The following LSAMP variants were observed in gnomAD, a reference collection of about 807,000 sequenced individuals.
LSAMP encodes limbic system-associated membrane protein.
LSAMP carries 7 observed loss-of-function variants against 38.6 expected under a neutral mutation model. That is an observed-to-expected ratio of 0.18 (90% CI 0.10 to 0.34). The LOEUF (loss-of-function observed/expected upper bound fraction) is 0.34, where lower values mean the gene tolerates loss of function less well. LSAMP is among the 10% of genes least tolerant of loss of function. The pLI is 1.00. For synonymous variants in LSAMP, 154 were observed against 166.8 expected, an observed-to-expected ratio of 0.92 and a Z score of 0.59; for missense variants, 313 against 420.0, an observed-to-expected ratio of 0.75 and a Z score of 2.23.
intron 1 of LSAMP, among the ~76,000 whole-genome samples, chr3:116,283,541 T>A (rs1450491329): frequency 6.6e-6 from 1 of 152,210 alleles, no homozygotes; most frequent in Non-Finnish European, 1.5e-5. Context: ...TCTAACCTCA[T>A]CTGGCTACGT....
chr3:115,820,414 G>A (rs1934193238), intron 6 of LSAMP, among the ~76,000 whole-genome samples: 1 of 152,194 alleles, frequency 6.6e-6, no homozygotes, highest in Non-Finnish European at 1.5e-5. Context: ...TATAGAGAAT[G>A]TACTAGGCTT....
At chr3:116,111,018 G>A (rs1489345032) in intron 1 of LSAMP, among the ~76,000 whole-genome samples, 1 of 152,116 alleles carries the variant, frequency 6.6e-6, no homozygotes, top group Non-Finnish European at 1.5e-5. Flanking sequence ...CTCAGTGGGG[G>A]AGCTTCTGAG....
chr3:116,330,078 G>A (rs181971078), intron 1 of LSAMP, among the ~76,000 whole-genome samples: 74 of 152,128 alleles, frequency 4.9e-4, no homozygotes, highest in African/African-American at 8.4e-4. Flanking sequence ...ATTAAAACAC[G>A]TCATACAAGA....
chr3:116,292,907 AC>A (rs1302547456), intron 1 of LSAMP, among the ~76,000 whole-genome samples: 2 of 152,294 alleles, frequency 1.3e-5, no homozygotes, highest in South Asian at 2.1e-4. Flanking sequence ...TATCCCATTA[AC>A]CTTTTTTAGT....
At chr3:116,330,145 G>C (rs2047829376) in intron 1 of LSAMP, among the ~76,000 whole-genome samples, 1 of 152,166 alleles carries the variant, frequency 6.6e-6, no homozygotes, top group East Asian at 1.9e-4. Context: ...TCCTCATTGA[G>C]ACAACAATTG....
At chr3:116,386,876 A>T (rs190514365) in intron 1 of LSAMP, among the ~76,000 whole-genome samples, 2 of 152,328 alleles carry the variant, frequency 1.3e-5, no homozygotes, top group East Asian at 1.9e-4. Context: ...AAGGATGACT[A>T]GAATTTTGAT....
At chr3:116,374,893 TG>T (rs1333262535) in intron 1 of LSAMP, among the ~76,000 whole-genome samples, 5 of 151,842 alleles carry the variant, frequency 3.3e-5, no homozygotes, top group Non-Finnish European at 7.4e-5. Context: ...AATGAGGAAA[TG>T]GTGATAAATA....
intron 2 of LSAMP, among the ~76,000 whole-genome samples, chr3:116,054,281 G>T (rs1250260103): frequency 6.6e-6 from 1 of 152,090 alleles, no homozygotes; most frequent in Non-Finnish European, 1.5e-5. Context: ...ATTACACTGG[G>T]CCAATTTAGA....
At chr3:115,853,951 A>T (rs142572229) in intron 3 of LSAMP, among the ~76,000 whole-genome samples, 1 of 152,280 alleles carries the variant, frequency 6.6e-6, no homozygotes, top group East Asian at 1.9e-4. Flanking sequence ...AACGTAACAG[A>T]CAGTTAGCAA....
intron 1 of LSAMP, among the ~76,000 whole-genome samples, chr3:116,365,996 T>C (rs192357153): frequency 0.01 from 435 of 42,950 alleles, 4 homozygotes; most frequent in Non-Finnish European, 0.014. Flanking sequence ...ACATGTACCC[T>C]AAAACTTAGA....
intron 2 of LSAMP, among the ~76,000 whole-genome samples, chr3:116,027,034 A>G (rs978709633): frequency 2.0e-5 from 3 of 152,218 alleles, no homozygotes; most frequent in Non-Finnish European, 4.4e-5. Flanking sequence ...TTGACAAACA[A>G]CAAATGCTTT....
At chr3:115,904,102 G>A (rs147306325) in intron 3 of LSAMP, among the ~76,000 whole-genome samples, 1 of 151,970 alleles carries the variant, frequency 6.6e-6, no homozygotes, top group Admixed American at 6.6e-5. Flanking sequence ...ATCATCTGTC[G>A]ACGGTAGTCA....
intron 1 of LSAMP, among the ~76,000 whole-genome samples, chr3:116,265,356 T>G (rs1050503357): frequency 6.6e-6 from 1 of 152,214 alleles, no homozygotes; most frequent in African/African-American, 2.4e-5. Flanking sequence ...AAGCTCAATG[T>G]GGGACTGCAT....
At chr3:116,388,274 C>G (rs1176805715) in intron 1 of LSAMP, among the ~76,000 whole-genome samples, 2 of 152,118 alleles carry the variant, frequency 1.3e-5, no homozygotes, top group African/African-American at 4.8e-5. Flanking sequence ...TTCAGAAAAC[C>G]TTTTGGTTGA....
intron 2 of LSAMP, among the ~76,000 whole-genome samples, chr3:116,081,027 C>T (rs542804420): frequency 3.3e-5 from 5 of 152,116 alleles, no homozygotes; most frequent in African/African-American, 7.2e-5. Flanking sequence ...GAAAGGAGAG[C>T]GATTCTGAGA....
chr3:115,906,648 A>C (rs1298148522), intron 3 of LSAMP, among the ~76,000 whole-genome samples: 4 of 152,146 alleles, frequency 2.6e-5, no homozygotes, highest in Non-Finnish European at 5.9e-5. Context: ...TCATCTGTAA[A>C]GTAAAACTAA....
chr3:116,380,407 T>C (rs957786840), intron 1 of LSAMP, among the ~76,000 whole-genome samples: 8 of 152,030 alleles, frequency 5.3e-5, no homozygotes, highest in African/African-American at 1.9e-4. Context: ...AATTATGTCC[T>C]ATATTTCCTT....
intron 3 of LSAMP, among the ~76,000 whole-genome samples, chr3:115,871,959 CA>C (rs1326049590): frequency 1.3e-5 from 2 of 152,076 alleles, no homozygotes; most frequent in African/African-American, 4.8e-5. Flanking sequence ...CAGCTTAGAA[CA>C]AGTGTACAAT....
At chr3:116,181,374 A>AT (rs1242098206) in intron 1 of LSAMP, among the ~76,000 whole-genome samples, 1 of 152,076 alleles carries the variant, frequency 6.6e-6, no homozygotes, top group Non-Finnish European at 1.5e-5. Flanking sequence ...CTGAAAAGTC[A>AT]TAATTCAACA....
Sources: allele counts gnomAD v4.1 joint callset (sites outside exome capture counted in the v4.1 genomes callset), GRCh38; gene constraint gnomAD v4.1.1; transcripts MANE v1.5; gene names NCBI Gene and HGNC (gene_info 2026-07-23, HGNC 2026-07-21).